The following CLCN6 variants were observed in gnomAD, a reference collection of about 807,000 sequenced individuals.
CLCN6 encodes Cl-/H+ antiporter 6, also known as H(+)/Cl(-) exchange transporter 6.
In CLCN6, 70 loss-of-function variants were observed where a neutral mutation model predicts 109.8. The ratio of observed to expected loss-of-function variants is 0.64; its 90% CI spans 0.53 to 0.78. The LOEUF is 0.78. Among genes scored for constraint, CLCN6 ranks in the 30% least tolerant of loss-of-function variants. CLCN6 has a pLI of 0.00. For missense variants in CLCN6, 984 were observed against 1,142.3 expected (o/e 0.86, Z 2.00); for synonymous variants, 444 against 447.8 (o/e 0.99, Z 0.11).
chr1:11,808,394 G>A (rs1409961697), intron 2 of CLCN6, among the ~76,000 whole-genome samples: 1 of 151,886 alleles, frequency 6.6e-6, no homozygotes, highest in Non-Finnish European at 1.5e-5. Flanking sequence ...ATACCTGGCC[G>A]CCCTTCCCAT....
chr1:11,831,025 G>A (rs1008782018), intron 13 of CLCN6, among the ~76,000 whole-genome samples: 1 of 151,366 alleles, frequency 6.6e-6, no homozygotes, highest in African/African-American at 2.4e-5. Flanking sequence ...TAGAGATGGT[G>A]TTTCACCATG....
chr1:11,807,226 A>C, intron 2 of CLCN6, 36 bp downstream of exon 2: 1 of 1,578,930 alleles, frequency 6.3e-7, no homozygotes, highest in Non-Finnish European at 8.7e-7. Flanking sequence ...CAACTAAAGT[A>C]GTGAGTGGCC....
chr1:11,816,142 C>T (rs1398472322), intron 3 of CLCN6, among the ~76,000 whole-genome samples: 1 of 152,060 alleles, frequency 6.6e-6, no homozygotes, highest in African/African-American at 2.4e-5. Flanking sequence ...GCCATTTTTC[C>T]AATAGCATGC....
chr1:11,832,070 T>C (rs1644890253), intron 13 of CLCN6, among the ~76,000 whole-genome samples: 1 of 152,252 alleles, frequency 6.6e-6, no homozygotes, highest in African/African-American at 2.4e-5. Context: ...GAGTACTTTA[T>C]ATGATTTCAT....
At position 11,840,518 on chromosome 1, in the gene CLCN6, A is replaced by C. The variant is rs920876192; in HGVS notation, c.*295A>C. ...CCCTGGCTCCACCAGAGCCAGAAGCAGAGGTAGAATCAGGCGGGCCCCGGG... is the reference window on the plus strand; with the variant it reads ...CCCTGGCTCCACCAGAGCCAGAAGCCGAGGTAGAATCAGGCGGGCCCCGGG... On this transcript the variant is annotated 3_prime_UTR_variant, in exon 23 of 23. Coordinates refer to ENST00000346436, the MANE Select transcript of CLCN6 (RefSeq NM_001286.5). 6 of 504,404 alleles carry C rather than the reference A, an allele frequency of 1.2e-5. No homozygotes were observed. Among genetic ancestry groups the C allele is most frequent in the African/African-American group, 9.6e-5 (5 of 51,908 alleles). The allele number at this position is 504,404 out of a possible 1,614,324, so 31.2% of individuals were successfully genotyped here.
At chr1:11,829,474 TC>T in intron 13 of CLCN6, 152 bp downstream of exon 13, 1 of 919,888 alleles carries the variant, frequency 1.1e-6, no homozygotes. Flanking sequence ...TCTGTAGTCG[TC>T]TTTTTACCTC....
In CLCN6 at chr1:11,828,814, T is replaced by A. The variant is rs184007479; in HGVS notation, c.1121+190T>A. ...AAGGGCTGAGCCAGCTTAATTGATG[T>A]CAGAGTTGCTGGTTGACTCCCTGCC... is the stretch of plus-strand genomic sequence containing the variant. On this transcript the variant is annotated intron_variant, in intron 12 of 22. Transcript: ENST00000346436. 2.7e-4 allele frequency among the ~76,000 whole-genome samples: 41 copies of A among 152,308 alleles called. 1 individual carries two copies. Among genetic ancestry groups the A allele is most frequent in the Non-Finnish European group, 5.7e-4 (39 of 68,024 alleles).
chr1:11,828,899 G>A (rs111244080), intron 12 of CLCN6, among the ~76,000 whole-genome samples: 4,007 of 152,290 alleles, frequency 0.026, 160 homozygotes, highest in African/African-American at 0.09. Context: ...TGGCCCTGCC[G>A]AGCAGCTTGC....
chr1:11,828,273 C>T, intron 11 of CLCN6, 54 bp downstream of exon 11: 1 of 1,535,630 alleles, frequency 6.5e-7, no homozygotes, highest in Middle Eastern at 1.7e-4. Flanking sequence ...AAAATTTCCT[C>T]TCAAGTGAAG....
Position 11,842,005 on chromosome 1 carries a change from C to G in CLCN6, c.*1782C>G, listed in dbSNP as rs527371688. 2.6e-5 allele frequency: 4 copies of G among 152,360 alleles called. No individual in the cohort carries two copies. Among genetic ancestry groups the G allele is most frequent in the African/African-American group, 9.6e-5 (4 of 41,586 alleles). 9.4% of individuals were successfully genotyped at this position (152,360 alleles called of 1,614,324 possible). A position where few individuals can be genotyped will look rare whatever the true frequency, so the allele number is the denominator to read the frequency against. Reference sequence around the variant, plus strand: ...TTAAATGTTACTATTTGGCCAGCTGCTGCTGTGTTTTATGGCAGTGTTCAG... The same window carrying G: ...TTAAATGTTACTATTTGGCCAGCTGGTGCTGTGTTTTATGGCAGTGTTCAG... On this transcript the variant is annotated 3_prime_UTR_variant, in exon 23 of 23. Transcript: ENST00000346436.
At position 11,841,325 on chromosome 1, in the gene CLCN6, G is replaced by A. The variant is rs572835813; in HGVS notation, c.*1102G>A. The A allele has an allele frequency of 6.5e-6, 1 of 152,782 alleles. No homozygotes were observed. Among genetic ancestry groups the A allele is most frequent in the East Asian group, 1.9e-4 (1 of 5,188 alleles). 9.5% of individuals were successfully genotyped at this position (152,782 alleles called of 1,614,324 possible). On this transcript the variant is annotated 3_prime_UTR_variant, in exon 23 of 23. Transcript: ENST00000346436. ...GCTTACATACAGAGGCCCTTCAGGA[G>A]GGCCTCCTGTGCCGCAGGGAGGGTG... is the stretch of plus-strand genomic sequence containing the variant.
chr1:11,823,130 C>T (rs1570526743), intron 6 of CLCN6, among the ~76,000 whole-genome samples: 1 of 152,162 alleles, frequency 6.6e-6, no homozygotes, highest in Admixed American at 6.5e-5. Context: ...AATATACCCT[C>T]GTAACATACC....
rs1243984123 is a variant in CLCN6 at position 11,834,234 on chromosome 1, A to G, written c.1527-2A>G. 1 of 1,610,918 alleles carries G rather than the reference A, an allele frequency of 6.2e-7. No individual in the cohort carries two copies. The highest frequency in any genetic ancestry group is 8.5e-7 in the Non-Finnish European group (1 of 1,178,496). ...CATGTTCTCGGTGTTTTCCTTCACTAGCTACATTGGATTGGGCCACATCTA... is the reference window on the plus strand; with the variant it reads ...CATGTTCTCGGTGTTTTCCTTCACTGGCTACATTGGATTGGGCCACATCTA... On this transcript the variant is annotated splice_acceptor_variant, in intron 15 of 22. Transcript: ENST00000346436. LOFTEE classifies it high-confidence loss of function. This position sits in a 1 kb window ranked among gnomAD's most constrained non-coding sequence, Gnocchi z 4.5.
intron 1 of CLCN6, 169 bp downstream of exon 1, chr1:11,806,518 T>G: frequency 1.9e-6 from 1 of 521,760 alleles, no homozygotes; most frequent in Admixed American, 4.3e-5. Flanking sequence ...CGTGCCTAAG[T>G]CTGGGGTCTT....
intron 2 of CLCN6, among the ~76,000 whole-genome samples, chr1:11,812,884 T>C (rs1644620248): frequency 6.6e-6 from 1 of 152,084 alleles, no homozygotes; most frequent in South Asian, 2.1e-4. Flanking sequence ...TTGATCCCTT[T>C]CCTGAAATGT....
chr1:11,822,205 C>T (rs1043829109), intron 5 of CLCN6, among the ~76,000 whole-genome samples: 4 of 151,912 alleles, frequency 2.6e-5, no homozygotes, highest in Non-Finnish European at 4.4e-5. Context: ...TATGGGTATT[C>T]GTTACTTTTT....
rs1644504573 is a variant in CLCN6 at position 11,806,211 on chromosome 1, C to T, written c.-52C>T. On this transcript the variant is annotated 5_prime_UTR_variant, in exon 1 of 23. Transcript: ENST00000346436. ...GGGCCAGTCACGTGAGGCGCAGATC[C>T]TGGCTGGGAGGGGGTTGGTAGAGGG... 1.4e-6 allele frequency: 2 copies of T among 1,383,422 alleles called. No individual in the cohort carries two copies. Among genetic ancestry groups the T allele is most frequent in the Non-Finnish European group, 9.4e-7 (1 of 1,061,376 alleles). 85.7% of individuals were successfully genotyped at this position (1,383,422 alleles called of 1,614,324 possible).
chr1:11,825,887 A>G (rs1365788998), intron 8 of CLCN6, among the ~76,000 whole-genome samples: 2 of 152,114 alleles, frequency 1.3e-5, no homozygotes, highest in Non-Finnish European at 2.9e-5. Flanking sequence ...CGGCCTCCCA[A>G]AGTGGTGGGA....
At position 11,807,194 on chromosome 1, in the gene CLCN6, A is replaced by T. The variant is rs779651762; in HGVS notation, c.147+4A>T. 2.5e-6 allele frequency: 4 copies of T among 1,613,796 alleles called. No homozygotes were observed. The highest frequency in any genetic ancestry group is 3.4e-6 in the Non-Finnish European group (4 of 1,179,692). On this transcript the variant is annotated splice_donor_region_variant and intron_variant, in intron 2 of 22. Transcript: ENST00000346436. ...TCTTCCAAGGAAAGACTATGAGGTGAGCTCCTTTGATACTGCTTGGGCAAC... is the reference window on the plus strand; with the variant it reads ...TCTTCCAAGGAAAGACTATGAGGTGTGCTCCTTTGATACTGCTTGGGCAAC...
Sources: allele counts gnomAD v4.1 joint callset (sites outside exome capture counted in the v4.1 genomes callset), GRCh38; gene constraint gnomAD v4.1.1; non-coding constraint Gnocchi (gnomAD v3.1); transcripts MANE v1.5; gene names NCBI Gene and HGNC (gene_info 2026-07-23, HGNC 2026-07-21).